The following ZBBX variants were observed in gnomAD, a reference collection of about 807,000 sequenced individuals.
ZBBX encodes zinc finger B-box domain-containing protein 1.
A neutral mutation model predicts 108.5 loss-of-function variants in ZBBX; 101 were observed. The observed-to-expected ratio is 0.93, with a 90% CI of 0.79 to 1.10. ZBBX has a LOEUF of 1.10. Among genes scored for constraint, ZBBX ranks in the 50% least tolerant of loss-of-function variants. The pLI, the probability that ZBBX is intolerant of heterozygous loss-of-function variation, is 0.00. For synonymous variants in ZBBX, 356 were observed against 323.4 expected, an observed-to-expected ratio of 1.10 and a Z score of -1.08; for missense variants, 1,009 against 941.4, an observed-to-expected ratio of 1.07 and a Z score of -0.94.
the ZBBX span, among the ~76,000 whole-genome samples, chr3:167,182,319 G>A: frequency 0.017 from 2,547 of 152,274 alleles, 37 homozygotes; most frequent in Middle Eastern, 0.051. Context: ...ATAGGTGGCA[G>A]AGCAACCTGG....
intron 17 of ZBBX, among the ~76,000 whole-genome samples, chr3:167,299,598 G>C (rs1235221453): frequency 1.3e-5 from 2 of 152,036 alleles, no homozygotes; most frequent in Non-Finnish European, 2.9e-5. Context: ...CCAGAACAAA[G>C]GACCCCTAAC....
At chr3:167,317,678 C>A in intron 12 of ZBBX, 81 bp from the exon 13 acceptor site, 2 of 822,440 alleles carry the variant, frequency 2.4e-6, no homozygotes, top group East Asian at 2.6e-5. Flanking sequence ...ATTTATTTAT[C>A]AAATGAATGA....
At chr3:167,346,235 C>T (rs766829483) in intron 9 of ZBBX, among the ~76,000 whole-genome samples, 1 of 151,758 alleles carries the variant, frequency 6.6e-6, no homozygotes, top group African/African-American at 2.4e-5. Flanking sequence ...TGCATTTATG[C>T]CTCATTTTTC....
chr3:167,237,228 G>A (rs143803156), downstream of ZBBX, among the ~76,000 whole-genome samples: 17 of 151,682 alleles, frequency 1.1e-4, no homozygotes, highest in South Asian at 4.2e-4. Context: ...CATACTCAGC[G>A]TACACTAGAT....
chr3:167,360,871 A>G (rs981664305), intron 6 of ZBBX, 148 bp from the exon 7 acceptor site: 4 of 369,654 alleles, frequency 1.1e-5, no homozygotes, highest in Non-Finnish European at 1.5e-5. Context: ...ATAGGAGATC[A>G]TCATTAAAGC....
intron 1 of ZBBX, among the ~76,000 whole-genome samples, chr3:167,389,290 C>T (rs1472172424): frequency 6.6e-6 from 1 of 152,108 alleles, no homozygotes; most frequent in Non-Finnish European, 1.5e-5. Flanking sequence ...CATCCATGTT[C>T]CTGCAAAGGA....
At chr3:167,317,702 A>C in intron 12 of ZBBX, 105 bp from the exon 13 acceptor site, 1 of 664,714 alleles carries the variant, frequency 1.5e-6, no homozygotes, top group Non-Finnish European at 2.5e-6. Context: ...TACAAAATTA[A>C]TGATGAAACC....
At chr3:167,192,761 A>G in the ZBBX span, among the ~76,000 whole-genome samples, 4 of 152,170 alleles carry the variant, frequency 2.6e-5, no homozygotes, top group Non-Finnish European at 4.4e-5. Context: ...AAGAGCCTCT[A>G]TCAAATTTTT....
the ZBBX span, among the ~76,000 whole-genome samples, chr3:167,210,187 A>C: frequency 6.6e-6 from 1 of 152,210 alleles, no homozygotes; most frequent in African/African-American, 2.4e-5. Flanking sequence ...ACTATCAGAT[A>C]AATTTAACAA....
At chr3:167,191,926 T>TAGAGAGAGAG in the ZBBX span, among the ~76,000 whole-genome samples, 1 of 127,414 alleles carries the variant, frequency 7.8e-6, no homozygotes, top group African/African-American at 3.3e-5. Flanking sequence ...TATATATATA[T>TAGAGAGAGAG]ATATATATAG....
intron 1 of ZBBX, among the ~76,000 whole-genome samples, chr3:167,396,660 G>T (rs1037380871): frequency 6.6e-6 from 1 of 151,988 alleles, no homozygotes. Context: ...AACTGATTAA[G>T]TAAAAATAAA....
At chr3:167,243,566 T>C (rs780536004) in intron 20 of ZBBX, among the ~76,000 whole-genome samples, 3 of 151,942 alleles carry the variant, frequency 2.0e-5, no homozygotes, top group African/African-American at 2.4e-5. Flanking sequence ...ACCCGGCTAA[T>C]TTTGTATTTT....
At chr3:167,189,713 G>A in the ZBBX span, among the ~76,000 whole-genome samples, 1 of 152,140 alleles carries the variant, frequency 6.6e-6, no homozygotes, top group Admixed American at 6.5e-5. Context: ...CCCATCCCAA[G>A]GGAATAGCCT....
At chr3:167,335,011 A>G (rs997568366) in intron 9 of ZBBX, among the ~76,000 whole-genome samples, 1 of 151,976 alleles carries the variant, frequency 6.6e-6, no homozygotes, top group African/African-American at 2.4e-5. Context: ...TCTCCTCTGC[A>G]TTCACGCCAT....
intron 1 of ZBBX, among the ~76,000 whole-genome samples, chr3:167,385,506 A>G (rs993189025): frequency 2.0e-5 from 3 of 152,130 alleles, no homozygotes; most frequent in Admixed American, 6.6e-5. Flanking sequence ...CATTCTTTTA[A>G]TATAAATTAG....
intron 12 of ZBBX, among the ~76,000 whole-genome samples, chr3:167,321,770 T>C (rs940732149): frequency 6.6e-6 from 1 of 152,170 alleles, no homozygotes; most frequent in East Asian, 1.9e-4. Flanking sequence ...AATTATAGTC[T>C]CAAATGTTAG....
At chr3:167,265,946 T>TCCAA (rs1010453309) in intron 20 of ZBBX, among the ~76,000 whole-genome samples, 8 of 152,170 alleles carry the variant, frequency 5.3e-5, no homozygotes, top group African/African-American at 1.9e-4. Flanking sequence ...CTCTCCACAC[T>TCCAA]CCAGGGTTGC....
intron 12 of ZBBX, among the ~76,000 whole-genome samples, chr3:167,319,729 C>T (rs969111901): frequency 6.6e-6 from 1 of 151,840 alleles, no homozygotes. Context: ...AATTAATTGT[C>T]CCTTGTTTCT....
At chr3:167,378,135 T>C (rs1747253509) in intron 2 of ZBBX, among the ~76,000 whole-genome samples, 1 of 152,194 alleles carries the variant, frequency 6.6e-6, no homozygotes, top group Non-Finnish European at 1.5e-5. Context: ...CTCTTTCCTT[T>C]GTAAATAACC....
Sources: gnomAD v4.1 joint callset for allele counts (sites outside exome capture counted in the v4.1 genomes callset) on GRCh38, gnomAD v4.1.1 for gene constraint, MANE v1.5 for transcripts, NCBI Gene and HGNC (gene_info 2026-07-23, HGNC 2026-07-21) for gene names.